Variants in KCNS1 observed in about 807,000 individuals in gnomAD.
KCNS1 encodes the protein delayed-rectifier potassium channel regulatory subunit KCNS1.
KCNS1 carries 26 observed loss-of-function variants against 33.1 expected under a neutral mutation model. That is an observed-to-expected ratio of 0.79 (90% CI 0.58 to 1.09). The LOEUF is 1.09. KCNS1 is among the 50% of genes least tolerant of loss of function. KCNS1 has a pLI of 0.00. For missense variants in KCNS1, 702 were observed against 752.4 expected (o/e 0.93, Z 0.78); for synonymous variants, 299 against 338.8 (o/e 0.88, Z 1.29).
In KCNS1 at chr20:45,098,233, C is replaced by T. The variant is rs1981267391; in HGVS notation, c.539G>A (p.Cys180Tyr). The T allele has an allele frequency of 6.2e-7, 1 of 1,602,346 alleles. No individual in the cohort carries two copies. Among genetic ancestry groups the T allele is most frequent in the Non-Finnish European group, 8.5e-7 (1 of 1,175,846 alleles). The change falls in exon 3 of 4, where the codon TGC (cysteine) becomes TAC (tyrosine). Residue 180 changes from cysteine (C) to tyrosine (Y), a missense_variant. Coordinates refer to ENST00000537075, the MANE Select transcript of KCNS1 (RefSeq NM_001322799.2). This position sits in a 1 kb window ranked among gnomAD's most constrained non-coding sequence, Gnocchi z 5.2. Reference protein sequence around the residue: ...DSDTPSSVDPCPDEISDVQRE... With the variant: ...DSDTPSSVDPYPDEISDVQRE... ...CTGCACGTCGGAGATCTCGTCGGGG[C>T]ACGGGTCCACGCTGCTCGGCGTGTC...
At chr20:45,099,303 A>T (rs943611759) in intron 1 of KCNS1, 64 bp from the exon 2 acceptor site, 1 of 873,866 alleles carries the variant, frequency 1.1e-6, no homozygotes, top group African/African-American at 1.7e-5. Context: ...GGGAACTCTA[A>T]GGGTGGGGTC....
At position 45,091,783 on chromosome 20, in the gene KCNS1, G is replaced by T. The variant is rs183319425; in HGVS notation, c.*3087C>A. 2.0e-5 allele frequency among the ~76,000 whole-genome samples: 3 copies of T among 152,298 alleles called. No individual in the cohort carries two copies. The East Asian group carries it at 5.8e-4, about 29-fold the overall frequency. On this transcript the variant is annotated 3_prime_UTR_variant, in exon 4 of 4. Transcript: ENST00000537075. ...GAAGTGAGATCAGAGGCAGAGACTT[G>T]AGTGATGCAGCCACAGCCAAGGAAA...
chr20:45,099,087 G>T (rs1981313073), intron 2 of KCNS1, 74 bp downstream of exon 2: 6 of 1,502,346 alleles, frequency 4.0e-6, no homozygotes, highest in East Asian at 4.9e-5. Context: ...TACACCAAAG[G>T]TCTACTGTGG....
chr20:45,094,070 T>A lies in KCNS1; in HGVS notation c.*800A>T, dbSNP rs1981090239. 1 of 152,410 alleles carries A rather than the reference T, an allele frequency of 6.6e-6. No individual in the cohort carries two copies. The highest frequency in any genetic ancestry group is 1.9e-4 in the East Asian group (1 of 5,180). The allele number at this position is 152,410 out of a possible 1,614,324, so 9.4% of individuals were successfully genotyped here. The stretch of plus-strand genomic sequence containing the variant: ...CTCAGGCCAGGGGCCCTTCAGATTT[T>A]CTTTCTCTCACATCAGCCCTGGGAG... On this transcript the variant is annotated 3_prime_UTR_variant, in exon 4 of 4. Coordinates refer to ENST00000537075, the MANE Select transcript of KCNS1 (RefSeq NM_001322799.2).
chr20:45,094,990 G>T lies in KCNS1; in HGVS notation c.1461C>A (p.Ser487Arg). The T allele has an allele frequency of 6.2e-7, 1 of 1,613,774 alleles. No individual in the cohort carries two copies. Among genetic ancestry groups the T allele is most frequent in the Non-Finnish European group, 8.5e-7 (1 of 1,179,926 alleles). ...SNHQEFEDLL[S>R]SIDGVSEASL... ...ATGCCTCCGACACCCCATCAATGCTGCTCAGCAAGTCCTCAAACTCTTGGT... is the reference window on the plus strand; with the variant it reads ...ATGCCTCCGACACCCCATCAATGCTTCTCAGCAAGTCCTCAAACTCTTGGT... The change falls in exon 4 of 4, where the codon AGC (serine) becomes AGA (arginine). Residue 487 changes from serine (S) to arginine (R), a missense_variant. By Grantham distance (110) the Ser-to-Arg change is moderately radical. Transcript: ENST00000537075.
Position 45,095,311 on chromosome 20 carries a change from C to G in KCNS1, c.1140G>C (p.Leu380=), listed in dbSNP as rs764750248. ...CTGACACACCCACAGCCAGGTACAG[C>G]AGCAAGATGCCCACCTCACGGTAGC... ...KHSYREVGIL[L]LYLAVGVSVF... is the part of the protein sequence containing the mutation. Residue 380 remains leucine, a synonymous_variant, in exon 4 of 4, where the codon CTG becomes CTC. Coordinates refer to ENST00000537075, the MANE Select transcript of KCNS1 (RefSeq NM_001322799.2). 2.0e-5 allele frequency: 33 copies of G among 1,613,410 alleles called. No homozygotes were observed. The Admixed American group carries it at 5.5e-4, about 27-fold the overall frequency.
Position 45,095,180 on chromosome 20 carries a change from T to C in KCNS1, c.1271A>G (p.Tyr424Cys). Residue 424 changes from tyrosine (Y) to cysteine (C), a missense_variant, in exon 4 of 4, where the codon TAT becomes TGT. By Grantham distance (194) the Tyr-to-Cys change is radical. This residue lies in a region of KCNS1 where 253 missense variants were observed against 327.4 expected (regional missense o/e 0.77). Transcript: ENST00000537075. ...WGTVSMTTVG[Y>C]GDVVPVTVAG... ...CACCGTCACTGGCACCACATCCCCA[T>C]AGCCCACGGTGGTCATGCTCACTGT... The C allele has an allele frequency of 6.2e-7, 1 of 1,614,070 alleles. No individual in the cohort carries two copies. The highest frequency in any genetic ancestry group is 2.2e-5 in the East Asian group (1 of 44,876).
chr20:45,098,098 A>C lies in KCNS1; in HGVS notation c.674T>G (p.Val225Gly). ...GGAGGCGAGCACCACGCTGATGGAG[A>C]CGCAGCTGAAGAGCTTGCTCGGCAG... ...YSLPSKLFSC[V>G]SISVVLASIA... The change falls in exon 3 of 4, where the codon GTC (valine) becomes GGC (glycine). Residue 225 changes from valine to glycine, a missense_variant. Physicochemically the swap from Val to Gly is moderately radical, Grantham distance 109 (BLOSUM62 -3). Coordinates refer to ENST00000537075, the MANE Select transcript of KCNS1 (RefSeq NM_001322799.2). This position sits in a 1 kb window ranked among gnomAD's most constrained non-coding sequence, Gnocchi z 5.2. The C allele has an allele frequency of 6.3e-7, 1 of 1,580,702 alleles. No homozygotes were observed. Among genetic ancestry groups the C allele is most frequent in the Non-Finnish European group, 8.6e-7 (1 of 1,164,426 alleles).
In KCNS1 at chr20:45,095,225, G is replaced by A. The variant is rs1414800274; in HGVS notation, c.1226C>T (p.Pro409Leu). 6.2e-7 allele frequency: 1 copy of A among 1,614,124 alleles called. No homozygotes were observed. The highest frequency in any genetic ancestry group is 2.2e-5 in the East Asian group (1 of 44,884). Residue 409 changes from proline (P) to leucine (L), a missense_variant, in exon 4 of 4, where the codon CCA (proline) becomes CTA (leucine). This residue lies in a region of KCNS1 where 253 missense variants were observed against 327.4 expected (regional missense o/e 0.77). Coordinates refer to ENST00000537075, the MANE Select transcript of KCNS1 (RefSeq NM_001322799.2). ...KEEDVGFNTI[P>L]ACWWWGTVSM... is the part of the protein sequence containing the mutation. ...CACTGTGCCCCACCACCAGCAGGCT[G>A]GGATGGTGTTAAAGCCCACGTCCTC...
At position 45,095,266 on chromosome 20, in the gene KCNS1, G is replaced by A. The variant is rs1011371794; in HGVS notation, c.1185C>T (p.Tyr395=). 2 of 1,613,964 alleles carry A rather than the reference G, an allele frequency of 1.2e-6. No homozygotes were observed. The highest frequency in any genetic ancestry group is 2.7e-5 in the African/African-American group (2 of 74,892). ...VGVSVFSGVA[Y]TAEKEEDVGF... ...CCACGTCCTCCTCCTTTTCAGCTGTGTAGGCCACACCAGAGAACACTGACA... is the reference window on the plus strand; with the variant it reads ...CCACGTCCTCCTCCTTTTCAGCTGTATAGGCCACACCAGAGAACACTGACA... The change falls in exon 4 of 4, where the codon TAC becomes TAT. Residue 395 remains tyrosine, a synonymous_variant. Transcript: ENST00000537075.
At position 45,094,995 on chromosome 20, in the gene KCNS1, G is replaced by A. The variant is rs1981131044; in HGVS notation, c.1456C>T (p.Leu486=). 6.2e-7 allele frequency: 1 copy of A among 1,613,794 alleles called. No individual in the cohort carries two copies. Among genetic ancestry groups the A allele is most frequent in the East Asian group, 2.2e-5 (1 of 44,882 alleles). The change falls in exon 4 of 4, where the codon CTG becomes TTG. Residue 486 remains leucine, a synonymous_variant. Transcript: ENST00000537075. ...NSNHQEFEDL[L]SSIDGVSEAS... ...TCCGACACCCCATCAATGCTGCTCAGCAAGTCCTCAAACTCTTGGTGGTTG... is the reference window on the plus strand; with the variant it reads ...TCCGACACCCCATCAATGCTGCTCAACAAGTCCTCAAACTCTTGGTGGTTG...
Position 45,093,000 on chromosome 20 carries a change from C to T in KCNS1, c.*1870G>A, listed in dbSNP as rs1981047519. 1 of 152,014 alleles carries T rather than the reference C, an allele frequency of 6.6e-6. No homozygotes were observed. The highest frequency in any genetic ancestry group is 1.5e-5 in the Non-Finnish European group (1 of 68,008). 9.4% of individuals were successfully genotyped at this position (152,014 alleles called of 1,614,324 possible). ...AGTATAGGGATATATTTTTCCACCA[C>T]TGTATCTCTTGAGACTAGTAAGCAG... On this transcript the variant is annotated 3_prime_UTR_variant, in exon 4 of 4. Coordinates refer to ENST00000537075, the MANE Select transcript of KCNS1 (RefSeq NM_001322799.2).
In KCNS1 at chr20:45,095,206, G is replaced by GC; in HGVS notation, c.1244dup (p.Thr416HisfsTer68). ...AGCCCACGGTGGTCATGCTCACTGT[G>GC]CCCCACCACCAGCAGGCTGGGATGG... On this transcript the variant is annotated frameshift_variant, in exon 4 of 4. Transcript: ENST00000537075. LOFTEE classifies it high-confidence loss of function. The GC allele has an allele frequency of 6.2e-7, 1 of 1,614,044 alleles. No individual in the cohort carries two copies. Among genetic ancestry groups the GC allele is most frequent in the Non-Finnish European group, 8.5e-7 (1 of 1,179,998 alleles).
At position 45,098,063 on chromosome 20, in the gene KCNS1, T is replaced by C. The variant is rs1204033304; in HGVS notation, c.709A>G (p.Met237Val). The C allele has an allele frequency of 6.5e-7, 1 of 1,548,746 alleles. No homozygotes were observed. Among genetic ancestry groups the C allele is most frequent in the African/African-American group, 1.4e-5 (1 of 72,318 alleles). ...TACTCGGGCAGGCTGTGGATGCACATGGCGGCGATGGAGGCGAGCACCACG... is the reference window on the plus strand; with the variant it reads ...TACTCGGGCAGGCTGTGGATGCACACGGCGGCGATGGAGGCGAGCACCACG... ...ISVVLASIAAMCIHSLPEYQA... is the reference protein window; with the variant it reads ...ISVVLASIAAVCIHSLPEYQA... Residue 237 changes from methionine to valine, a missense_variant, in exon 3 of 4, where the codon ATG becomes GTG. Coordinates refer to ENST00000537075, the MANE Select transcript of KCNS1 (RefSeq NM_001322799.2). The surrounding 1 kb of genome is among the most constrained non-coding windows in gnomAD (Gnocchi z 5.2).
In KCNS1 at chr20:45,098,555, CCGGGAAGCGCGCCAGGGCG is replaced by C; in HGVS notation, c.198_216del (p.Leu68ArgfsTer39). Reference sequence around the variant, plus strand: ...GCCTGCAGGCGGCCCAGCCGCGTGCCCGGGAAGCGCGCCAGGGCGCGCGCGCTCAGCTGCCGCCGCACGC... The same window carrying C: ...GCCTGCAGGCGGCCCAGCCGCGTGCCCGCGCGCTCAGCTGCCGCCGCACGC... On this transcript the variant is annotated frameshift_variant, in exon 3 of 4. Coordinates refer to ENST00000537075, the MANE Select transcript of KCNS1 (RefSeq NM_001322799.2). LOFTEE classifies it high-confidence loss of function. The surrounding 1 kb of genome is among the most constrained non-coding windows in gnomAD (Gnocchi z 5.2). 7 of 1,405,426 alleles carry C rather than the reference CCGGGAAGCGCGCCAGGGCG, an allele frequency of 5.0e-6. No individual in the cohort carries two copies. Among genetic ancestry groups the C allele is most frequent in the Non-Finnish European group, 6.5e-6 (7 of 1,078,266 alleles). 87.1% of individuals were successfully genotyped at this position (1,405,426 alleles called of 1,614,324 possible). A position where few individuals can be genotyped will look rare whatever the true frequency, so the allele number is the denominator to read the frequency against.
At position 45,091,553 on chromosome 20, in the gene KCNS1, C is replaced by A. The variant is rs556825012; in HGVS notation, c.*3317G>T. 3.3e-4 allele frequency among the ~76,000 whole-genome samples: 51 copies of A among 152,302 alleles called. No individual in the cohort carries two copies. The highest frequency in any genetic ancestry group is 1.1e-3 in the African/African-American group (44 of 41,560). The stretch of plus-strand genomic sequence containing the variant: ...TCACAGATACCCTTCTGTAGTGGGC[C>A]AGATGGTGGCCCCAAACACCTGTCC... On this transcript the variant is annotated 3_prime_UTR_variant, in exon 4 of 4. Coordinates refer to ENST00000537075, the MANE Select transcript of KCNS1 (RefSeq NM_001322799.2).
At chr20:45,095,422 G>A in intron 3 of KCNS1, 82 bp from the exon 4 acceptor site, 1 of 1,299,652 alleles carries the variant, frequency 7.7e-7, no homozygotes, top group Non-Finnish European at 1.1e-6. Context: ...CTGAGGCCCA[G>A]AGAGTATAAA....
chr20:45,100,490 A>G (rs1342300351), intron 1 of KCNS1: 3 of 152,236 alleles, frequency 2.0e-5, no homozygotes, highest in Admixed American at 6.5e-5. Flanking sequence ...TAATTAATTC[A>G]ACAAACATTT....
chr20:45,099,156 C>T lies in KCNS1; in HGVS notation c.76+5G>A, dbSNP rs768185415. 6.4e-7 allele frequency: 1 copy of T among 1,551,126 alleles called. No individual in the cohort carries two copies. The highest frequency in any genetic ancestry group is 8.7e-7 in the Non-Finnish European group (1 of 1,146,672). The stretch of plus-strand genomic sequence containing the variant: ...CTTCTGCAAAATGAGGATAGTAACA[C>T]TTACCTCCTAGGGGTGTTGGCAGCA... On this transcript the variant is annotated splice_donor_5th_base_variant and intron_variant, in intron 2 of 3. Coordinates refer to ENST00000537075, the MANE Select transcript of KCNS1 (RefSeq NM_001322799.2).
Sources: allele counts gnomAD v4.1 joint callset (sites outside exome capture counted in the v4.1 genomes callset), GRCh38; gene constraint gnomAD v4.1.1; regional missense constraint gnomAD v4.1.1; non-coding constraint Gnocchi (gnomAD v3.1); transcripts MANE v1.5; gene names NCBI Gene and HGNC (gene_info 2026-07-23, HGNC 2026-07-21).